Variants in SCHIP1 observed in about 807,000 individuals in gnomAD.
The protein encoded by SCHIP1 is schwannomin interacting protein 1.
A neutral mutation model predicts 29.7 loss-of-function variants in SCHIP1; 8 were observed. The observed-to-expected ratio is 0.27, with a 90% CI of 0.16 to 0.49. The LOEUF (loss-of-function observed/expected upper bound fraction) is 0.49. SCHIP1 is among the 20% of genes least tolerant of loss of function. The pLI is 0.99. For synonymous variants in SCHIP1, 76 were observed against 94.9 expected, an observed-to-expected ratio of 0.80 and a Z score of 1.16; for missense variants, 193 against 294.6, an observed-to-expected ratio of 0.66 and a Z score of 2.52.
chr3:159,439,987 C>G, the SCHIP1 span, among the ~76,000 whole-genome samples: 3,242 of 152,200 alleles, frequency 0.021, 103 homozygotes, highest in African/African-American at 0.07. Flanking sequence ...ATGCCTATAT[C>G]CTGAATGACA....
intron 3 of SCHIP1, 147 bp from the exon 5 acceptor site, chr3:159,887,561 G>T: frequency 1.2e-6 from 1 of 828,684 alleles, no homozygotes; most frequent in Non-Finnish European, 1.9e-6. Context: ...TGTTACTTGA[G>T]ATTTATCAAC....
the SCHIP1 span, among the ~76,000 whole-genome samples, chr3:159,544,429 G>A: frequency 6.6e-6 from 1 of 151,992 alleles, no homozygotes; most frequent in East Asian, 1.9e-4. Context: ...TTCAGCTTTA[G>A]TAGATAAAGC....
chr3:159,732,873 C>T, the SCHIP1 span, among the ~76,000 whole-genome samples: 16 of 152,282 alleles, frequency 1.1e-4, no homozygotes, highest in East Asian at 3.1e-3. Context: ...GGAGAAAGTA[C>T]ATGAATGTTT....
chr3:159,365,933 C>A, the SCHIP1 span, among the ~76,000 whole-genome samples: 3 of 152,160 alleles, frequency 2.0e-5, no homozygotes, highest in Non-Finnish European at 4.4e-5. Flanking sequence ...GGGTTCCCAA[C>A]AACCACTTAA....
At chr3:159,727,349 G>A in the SCHIP1 span, among the ~76,000 whole-genome samples, 1 of 151,896 alleles carries the variant, frequency 6.6e-6, no homozygotes, top group Non-Finnish European at 1.5e-5. Flanking sequence ...GTCTGCCTCC[G>A]CACAAGAACA....
At chr3:159,803,945 G>A in the SCHIP1 span, among the ~76,000 whole-genome samples, 29 of 152,312 alleles carry the variant, frequency 1.9e-4, no homozygotes, top group South Asian at 6.0e-3. Context: ...CACACAACTA[G>A]TAAGGAGATG....
At chr3:159,302,599 CTA>C in the SCHIP1 span, among the ~76,000 whole-genome samples, 1 of 152,192 alleles carries the variant, frequency 6.6e-6, no homozygotes, top group Non-Finnish European at 1.5e-5. Context: ...AGAGACTTCA[CTA>C]TTTTCGAAAT....
chr3:159,411,232 A>G, the SCHIP1 span, among the ~76,000 whole-genome samples: 3 of 152,144 alleles, frequency 2.0e-5, no homozygotes, highest in Non-Finnish European at 4.4e-5. Context: ...TGGGGCAAGT[A>G]CAATTAACAA....
chr3:159,470,919 T>C, the SCHIP1 span, among the ~76,000 whole-genome samples: 2 of 152,088 alleles, frequency 1.3e-5, no homozygotes, highest in Non-Finnish European at 2.9e-5. Flanking sequence ...ATTCCATTTA[T>C]ATGACATGCT....
At chr3:159,841,465 T>C (rs573367439) in intron 1 of SCHIP1, among the ~76,000 whole-genome samples, 36 of 152,000 alleles carry the variant, frequency 2.4e-4, no homozygotes, top group Non-Finnish European at 4.7e-4. Context: ...ATACAGAACT[T>C]GAGGGTAGGG....
chr3:159,563,483 T>C, the SCHIP1 span, among the ~76,000 whole-genome samples: 2 of 152,112 alleles, frequency 1.3e-5, no homozygotes, highest in African/African-American at 4.8e-5. Context: ...TAAATTTATG[T>C]ATAAATACAG....
chr3:159,771,799 T>G, the SCHIP1 span, among the ~76,000 whole-genome samples: 18 of 152,252 alleles, frequency 1.2e-4, no homozygotes, highest in Middle Eastern at 0.02. Context: ...TATATACAAT[T>G]AAGTTATTAT....
At chr3:159,605,488 C>T in the SCHIP1 span, among the ~76,000 whole-genome samples, 2 of 152,072 alleles carry the variant, frequency 1.3e-5, no homozygotes, top group Non-Finnish European at 1.5e-5. Flanking sequence ...TCACCTTCTA[C>T]GATAGGAAAC....
At chr3:159,877,734 C>A (rs1446741840) in intron 2 of SCHIP1, among the ~76,000 whole-genome samples, 1 of 152,236 alleles carries the variant, frequency 6.6e-6, no homozygotes, top group Non-Finnish European at 1.5e-5. Context: ...AAAAGTATTT[C>A]TTCTCTAACC....
At chr3:159,895,317 T>C (rs1171474408) in intron 6 of SCHIP1, among the ~76,000 whole-genome samples, 1 of 152,184 alleles carries the variant, frequency 6.6e-6, no homozygotes, top group African/African-American at 2.4e-5. Flanking sequence ...CTGAAAGTAT[T>C]TGTAGTTTGT....
At chr3:159,538,264 A>G in the SCHIP1 span, among the ~76,000 whole-genome samples, 3 of 152,172 alleles carry the variant, frequency 2.0e-5, no homozygotes, top group Non-Finnish European at 4.4e-5. Context: ...AACAACTGCC[A>G]TAATAATTTG....
At chr3:159,550,421 T>G in the SCHIP1 span, among the ~76,000 whole-genome samples, 3 of 152,102 alleles carry the variant, frequency 2.0e-5, no homozygotes, top group Non-Finnish European at 4.4e-5. Flanking sequence ...TTAATTGTTC[T>G]ATAGTCCAAA....
At chr3:159,699,760 C>G in the SCHIP1 span, among the ~76,000 whole-genome samples, 13 of 152,320 alleles carry the variant, frequency 8.5e-5, no homozygotes, top group Non-Finnish European at 1.6e-4. Context: ...CCTTCAAACA[C>G]TACCTAGTGA....
chr3:159,776,640 C>A, the SCHIP1 span, among the ~76,000 whole-genome samples: 1 of 152,178 alleles, frequency 6.6e-6, no homozygotes, highest in Admixed American at 6.5e-5. Context: ...AACTTTAAAA[C>A]ATTTTGAATA....
Sources: allele counts gnomAD v4.1 joint callset (sites outside exome capture counted in the v4.1 genomes callset), GRCh38; gene constraint gnomAD v4.1.1; transcripts MANE v1.5; gene names NCBI Gene and HGNC (gene_info 2026-07-23, HGNC 2026-07-21).